Variants in APIP observed in about 807,000 individuals in gnomAD.
APIP encodes the protein methylthioribulose-1-phosphate dehydratase.
APIP carries 32 observed loss-of-function variants against 32.0 expected under a neutral mutation model. The ratio of observed to expected loss-of-function variants is 1.00; its 90% CI spans 0.76 to 1.34. APIP has a LOEUF of 1.34. APIP is among the 40% of genes most tolerant of loss of function. The pLI is 0.00. For missense variants in APIP, 247 were observed against 298.6 expected (o/e 0.83, Z 1.27); for synonymous variants, 92 against 94.8 (o/e 0.97, Z 0.17).
At chr11:34,915,822 A>C in intron 1 of APIP, 1 of 243,080 alleles carries the variant, frequency 4.1e-6, no homozygotes, top group Non-Finnish European at 7.9e-6. Context: ...CGTCCCCCCA[A>C]ACGCCTAACT....
chr11:34,898,640 T>C (rs1274753804), intron 1 of APIP, among the ~76,000 whole-genome samples: 1 of 151,918 alleles, frequency 6.6e-6, no homozygotes, highest in African/African-American at 2.4e-5. Context: ...TGCAATCTTC[T>C]AGGAACAGAG....
chr11:34,904,536 A>T (rs1351336837), intron 1 of APIP, among the ~76,000 whole-genome samples: 2 of 152,190 alleles, frequency 1.3e-5, no homozygotes, highest in East Asian at 1.9e-4. Flanking sequence ...TTTCTTACCA[A>T]TGATTTTCTG....
At chr11:34,898,799 T>C (rs932389615) in intron 1 of APIP, among the ~76,000 whole-genome samples, 5 of 127,006 alleles carry the variant, frequency 3.9e-5, no homozygotes, top group African/African-American at 9.2e-5. Context: ...TTTTTTTTTT[T>C]TTTTTTTTTT....
Position 34,896,713 on chromosome 11 carries a change from A to C in APIP, c.58-1603T>G, listed in dbSNP as rs763653099. The C allele has an allele frequency of 2.6e-6, 3 of 1,152,198 alleles. No homozygotes were observed. The South Asian group carries it at 3.9e-5, about 15-fold the overall frequency. The allele number at this position is 1,152,198 out of a possible 1,614,324, so 71.4% of individuals were successfully genotyped here. A position where few individuals can be genotyped will look rare whatever the true frequency, so the allele number is the denominator to read the frequency against. On this transcript the variant is annotated intron_variant, in intron 1 of 6. Transcript: ENST00000395787. The stretch of plus-strand genomic sequence containing the variant: ...TTCTGCACACGTATCCCAGAACTTA[A>C]AAGCATAATAAAGCAACAACAACAA...
In APIP at chr11:34,916,151, G is replaced by A. The variant is rs16926448; in HGVS notation, c.57+77C>T. ...AGCTAAACGCCCGGCCCGCTACCCT[G>A]CGCCCAGCTCCAGCCGCCGGGTCCC... On this transcript the variant is annotated intron_variant, in intron 1 of 6. Transcript: ENST00000395787. 0.13 allele frequency: 194,513 copies of A among 1,545,654 alleles called. 15,383 individuals carry two copies. The highest frequency in any genetic ancestry group is 0.39 in the African/African-American group (28,661 of 72,844).
intron 1 of APIP, among the ~76,000 whole-genome samples, chr11:34,898,129 G>C (rs886853857): frequency 6.6e-6 from 1 of 152,084 alleles, no homozygotes; most frequent in Non-Finnish European, 1.5e-5. Context: ...TGGTGTGTTG[G>C]CCAAGAATCC....
chr11:34,914,366 C>G (rs1565142296), intron 1 of APIP, among the ~76,000 whole-genome samples: 1 of 152,210 alleles, frequency 6.6e-6, no homozygotes, highest in African/African-American at 2.4e-5. Context: ...TAATCACTTA[C>G]AGTTGAACAT....
At chr11:34,896,743 A>AAC in intron 1 of APIP, 2 of 1,254,208 alleles carry the variant, frequency 1.6e-6, no homozygotes, top group Middle Eastern at 2.2e-4. Flanking sequence ...CAACAACAAC[A>AAC]AAGGAAAATG....
chr11:34,897,112 T>C (rs1178324770), intron 1 of APIP, among the ~76,000 whole-genome samples: 1 of 152,254 alleles, frequency 6.6e-6, no homozygotes, highest in Non-Finnish European at 1.5e-5. Flanking sequence ...AGCTGAATAC[T>C]TGAAATTGTG....
At position 34,916,222 on chromosome 11, in the gene APIP, C is replaced by T; in HGVS notation, c.57+6G>A. The T allele has an allele frequency of 6.2e-7, 1 of 1,610,602 alleles. No homozygotes were observed. Among genetic ancestry groups the T allele is most frequent in the South Asian group, 1.1e-5 (1 of 90,650 alleles). On this transcript the variant is annotated splice_donor_region_variant and intron_variant, in intron 1 of 6. Coordinates refer to ENST00000395787, the MANE Select transcript of APIP (RefSeq NM_015957.4). ...GAATACCGGGCACCGGTGGCCCCGC[C>T]CCTACCTGCGCGCCGCATCTCCGGG... is the stretch of plus-strand genomic sequence containing the variant.
At chr11:34,885,623 G>T (rs778242581) in intron 5 of APIP, among the ~76,000 whole-genome samples, 2 of 152,140 alleles carry the variant, frequency 1.3e-5, no homozygotes. Flanking sequence ...CAGCAGGCTT[G>T]CAAGACTGCA....
intron 1 of APIP, among the ~76,000 whole-genome samples, chr11:34,898,320 G>C (rs79070846): frequency 2.6e-5 from 4 of 151,988 alleles, no homozygotes; most frequent in Non-Finnish European, 5.9e-5. Flanking sequence ...TAGGCTTGCT[G>C]GTGGAGAACA....
intron 5 of APIP, 84 bp from the exon 6 acceptor site, chr11:34,883,588 C>A: frequency 7.2e-7 from 1 of 1,397,602 alleles, no homozygotes; most frequent in Non-Finnish European, 9.8e-7. Context: ...TTCAAGTAAC[C>A]AGTTAGACAT....
At chr11:34,904,779 G>A (rs777822134) in intron 1 of APIP, among the ~76,000 whole-genome samples, 7 of 152,116 alleles carry the variant, frequency 4.6e-5, no homozygotes, top group East Asian at 1.9e-4. Flanking sequence ...TACAGGAATC[G>A]ACTCCTGGAT....
chr11:34,904,703 C>A (rs1387615544), intron 1 of APIP, among the ~76,000 whole-genome samples: 1 of 152,198 alleles, frequency 6.6e-6, no homozygotes, highest in Non-Finnish European at 1.5e-5. Context: ...CTCTCTCTCC[C>A]TCCCTAAGCC....
Position 34,916,245 on chromosome 11 carries a change from G to C in APIP, c.40C>G (p.Arg14Gly), listed in dbSNP as rs139123979. The C allele has an allele frequency of 6.2e-7, 1 of 1,612,124 alleles. No individual in the cohort carries two copies. Among genetic ancestry groups the C allele is most frequent in the South Asian group, 1.1e-5 (1 of 90,922 alleles). Residue 14 changes from arginine to glycine, a missense_variant, in exon 1 of 7, where the codon CGG (arginine) becomes GGG (glycine). By Grantham distance (125) the Arg-to-Gly change is moderately radical (BLOSUM62 -2). Coordinates refer to ENST00000395787, the MANE Select transcript of APIP (RefSeq NM_015957.4). ...GCCCCTACCTGCGCGCCGCATCTCCGGGAACAACAGTCTCCCTCCCGAGCA... is the reference window on the plus strand; with the variant it reads ...GCCCCTACCTGCGCGCCGCATCTCCCGGAACAACAGTCTCCCTCCCGAGCA... ...CDAREGDCCS[R>G]RCGAQDKEHP...
chr11:34,893,199 A>G (rs1470575223), intron 2 of APIP, among the ~76,000 whole-genome samples: 1 of 152,218 alleles, frequency 6.6e-6, no homozygotes, highest in African/African-American at 2.4e-5. Flanking sequence ...GTAAAATTCT[A>G]CTAGAAAGAA....
chr11:34,901,947 C>T (rs1187883081), intron 1 of APIP, among the ~76,000 whole-genome samples: 2 of 152,156 alleles, frequency 1.3e-5, no homozygotes, highest in Non-Finnish European at 2.9e-5. Flanking sequence ...GATGCAGGGC[C>T]TCCTCAAACC....
At chr11:34,899,311 C>T (rs1323788695) in intron 1 of APIP, among the ~76,000 whole-genome samples, 1 of 152,184 alleles carries the variant, frequency 6.6e-6, no homozygotes, top group Non-Finnish European at 1.5e-5. Context: ...CTTCTGTGAA[C>T]AGGAAAATTC....
Sources: gnomAD v4.1 joint callset for allele counts (sites outside exome capture counted in the v4.1 genomes callset) on GRCh38, gnomAD v4.1.1 for gene constraint, MANE v1.5 for transcripts, NCBI Gene and HGNC (gene_info 2026-07-23, HGNC 2026-07-21) for gene names.